ATXN1: variants seen among roughly 807,000 people sequenced by gnomAD.
The protein encoded by ATXN1 is ataxin 1.
ATXN1 carries 8 observed loss-of-function variants against 56.4 expected under a neutral mutation model. That is an observed-to-expected ratio of 0.14 (90% CI 0.08 to 0.26). The LOEUF is 0.26. Ranked by LOEUF, ATXN1 falls within the 10% of genes least tolerant of loss-of-function variation. The pLI is 1.00. For missense variants in ATXN1, 987 were observed against 1,106.5 expected, an observed-to-expected ratio of 0.89 and a Z score of 1.53; for synonymous variants, 514 against 494.6, an observed-to-expected ratio of 1.04 and a Z score of -0.52.
In ATXN1 at chr6:16,327,678, ATGCTGATGCTGCTGCTGC is replaced by A. The variant is rs775260870; in HGVS notation, c.615_632del (p.Gln205_Gln210del). ...GCTGCTGCTGCTGCTGCTGCTGCTG[ATGCTGATGCTGCTGCTGC>A]TGCTGCTGCTGCTGCTGCTGCTGCT... On this transcript the variant is annotated inframe_deletion, in exon 7 of 8. Transcript: ENST00000436367. The A allele has an allele frequency of 2.0e-5, 20 of 1,011,384 alleles. No individual in the cohort carries two copies. The highest frequency in any genetic ancestry group is 2.5e-4 in the Middle Eastern group (1 of 3,940). 62.7% of individuals were successfully genotyped at this position (1,011,384 alleles called of 1,614,324 possible).
At chr6:16,613,918 C>T (rs1763159371) in intron 3 of ATXN1, among the ~76,000 whole-genome samples, 1 of 151,650 alleles carries the variant, frequency 6.6e-6, no homozygotes, top group Non-Finnish European at 1.5e-5. Flanking sequence ...AAATCCTGAT[C>T]AAAAAAATTA....
intron 6 of ATXN1, among the ~76,000 whole-genome samples, chr6:16,462,209 C>T (rs985309351): frequency 4.6e-5 from 7 of 152,156 alleles, no homozygotes; most frequent in African/African-American, 1.4e-4. Context: ...CCTCTCTACC[C>T]CCACTGCAGT....
intron 6 of ATXN1, among the ~76,000 whole-genome samples, chr6:16,350,607 C>CTATTT (rs58041497): frequency 5.3e-5 from 8 of 152,142 alleles, no homozygotes; most frequent in African/African-American, 1.9e-4. Flanking sequence ...TGAAGTCTCT[C>CTATTT]TTTTTCCCAT....
intron 2 of ATXN1, among the ~76,000 whole-genome samples, chr6:16,709,442 A>G (rs556983983): frequency 6.6e-6 from 1 of 152,308 alleles, no homozygotes; most frequent in East Asian, 1.9e-4. Flanking sequence ...TGGCACAATG[A>G]TGATACAACT....
chr6:16,589,386 T>G (rs1561768861), intron 3 of ATXN1, among the ~76,000 whole-genome samples: 2 of 151,742 alleles, frequency 1.3e-5, no homozygotes, highest in East Asian at 3.9e-4. Flanking sequence ...AAGAAATGTG[T>G]GTATATACAC....
chr6:16,735,154 G>C (rs1425966171), intron 2 of ATXN1, among the ~76,000 whole-genome samples: 2 of 152,166 alleles, frequency 1.3e-5, no homozygotes, highest in African/African-American at 4.8e-5. Context: ...CCACTTACTA[G>C]CTCTGTGACC....
At chr6:16,357,047 A>G (rs1761701514) in intron 6 of ATXN1, among the ~76,000 whole-genome samples, 1 of 152,128 alleles carries the variant, frequency 6.6e-6, no homozygotes, top group East Asian at 1.9e-4. Context: ...TGCTGGTTTC[A>G]GCATAAGGCC....
chr6:16,349,639 C>G (rs1334582830), intron 6 of ATXN1, among the ~76,000 whole-genome samples: 69 of 152,176 alleles, frequency 4.5e-4, no homozygotes, highest in Non-Finnish European at 4.4e-5. Context: ...GTTTCCCTGC[C>G]TCACTTCCCT....
chr6:16,389,767 C>A (rs183386193), intron 6 of ATXN1, among the ~76,000 whole-genome samples: 10 of 152,346 alleles, frequency 6.6e-5, no homozygotes, highest in Non-Finnish European at 8.8e-5. Context: ...GCACTGCAAT[C>A]GTTCTATTTC....
chr6:16,364,611 A>C (rs1296401859), intron 6 of ATXN1, among the ~76,000 whole-genome samples: 1 of 152,104 alleles, frequency 6.6e-6, no homozygotes, highest in East Asian at 1.9e-4. Flanking sequence ...CCAGTTCTAG[A>C]TATTTTGAGG....
chr6:16,584,457 T>C (rs1762587844), intron 4 of ATXN1, among the ~76,000 whole-genome samples: 2 of 152,000 alleles, frequency 1.3e-5, no homozygotes, highest in African/African-American at 2.4e-5. Flanking sequence ...AGTGATTTCA[T>C]AGTTGTCTAA....
At chr6:16,722,822 C>T (rs1471770943) in intron 2 of ATXN1, among the ~76,000 whole-genome samples, 1 of 152,220 alleles carries the variant, frequency 6.6e-6, no homozygotes. Context: ...CTGAAACACA[C>T]TGTTGCTTTC....
chr6:16,733,566 G>GGA (rs2113489818), intron 2 of ATXN1, among the ~76,000 whole-genome samples: 1 of 149,902 alleles, frequency 6.7e-6, no homozygotes, highest in African/African-American at 2.5e-5. Flanking sequence ...CTGACCTCTT[G>GGA]GAAAAAAAAA....
chr6:16,343,362 A>ATAAG (rs1282693140), intron 6 of ATXN1, among the ~76,000 whole-genome samples: 6 of 151,876 alleles, frequency 4.0e-5, no homozygotes, highest in East Asian at 1.9e-4. Context: ...AAATAAATAA[A>ATAAG]TATGTCATGA....
At chr6:16,589,269 C>T (rs955844069) in intron 3 of ATXN1, among the ~76,000 whole-genome samples, 1 of 152,124 alleles carries the variant, frequency 6.6e-6, no homozygotes, top group African/African-American at 2.4e-5. Context: ...GTCCATCTCT[C>T]CCACCACAAC....
intron 2 of ATXN1, chr6:16,752,871 T>C (rs902802341): frequency 2.0e-5 from 4 of 197,042 alleles, no homozygotes; most frequent in African/African-American, 4.7e-5. Context: ...ACTACAACAG[T>C]AATCTAAAAT....
intron 2 of ATXN1, among the ~76,000 whole-genome samples, chr6:16,674,541 T>TTATG (rs1758620093): frequency 6.7e-6 from 1 of 149,260 alleles, no homozygotes; most frequent in African/African-American, 2.5e-5. Flanking sequence ...GTATTTTTAG[T>TTATG]AGAGACGGGG....
intron 1 of ATXN1, among the ~76,000 whole-genome samples, chr6:16,757,485 G>A (rs1477049739): frequency 2.0e-5 from 3 of 152,182 alleles, no homozygotes; most frequent in Non-Finnish European, 4.4e-5. Flanking sequence ...TGAGTAGCTA[G>A]AAGAAATAAT....
At position 16,301,287 on chromosome 6, in the gene ATXN1, C is replaced by T. The variant is rs1278854218; in HGVS notation, c.*5042G>A. On this transcript the variant is annotated 3_prime_UTR_variant, in exon 8 of 8. Coordinates refer to ENST00000436367, the MANE Select transcript of ATXN1 (RefSeq NM_001128164.2). ...GTGTACATTTAAAAAAAAATTCCCA[C>T]AAGGTATAGTGCTACAAGAAAAGAT... The T allele has an allele frequency of 1.3e-5, 2 of 152,442 alleles. No individual in the cohort carries two copies. Among genetic ancestry groups the T allele is most frequent in the Non-Finnish European group, 2.9e-5 (2 of 67,998 alleles). The allele number at this position is 152,442 out of a possible 1,614,324, so 9.4% of individuals were successfully genotyped here.
Sources: gnomAD v4.1 joint callset for allele counts (sites outside exome capture counted in the v4.1 genomes callset) on GRCh38, gnomAD v4.1.1 for gene constraint, MANE v1.5 for transcripts, NCBI Gene and HGNC (gene_info 2026-07-23, HGNC 2026-07-21) for gene names.